GBE1: variants seen among roughly 807,000 people sequenced by gnomAD.
GBE1 encodes 1,4-alpha-glucan branching enzyme 1, also known as 1,4-alpha-glucan-branching enzyme.
GBE1 carries 70 observed loss-of-function variants against 88.8 expected under a neutral mutation model. The observed-to-expected ratio is 0.79, with a 90% CI of 0.65 to 0.96. The LOEUF is 0.96. GBE1 is among the 40% of genes least tolerant of loss of function. The pLI, the probability that GBE1 is intolerant of heterozygous loss-of-function variation, is 0.00. For missense variants in GBE1, 872 were observed against 871.0 expected, an observed-to-expected ratio of 1.00 and a Z score of -0.01; for synonymous variants, 284 against 300.1, an observed-to-expected ratio of 0.95 and a Z score of 0.56.
intron 5 of GBE1, among the ~76,000 whole-genome samples, chr3:81,648,048 C>T (rs1230783757): frequency 1.3e-5 from 2 of 151,942 alleles, no homozygotes; most frequent in African/African-American, 4.8e-5. Flanking sequence ...ATACTCTATA[C>T]ATTTAATTAA....
chr3:81,589,888 C>CA (rs559937983), intron 9 of GBE1, among the ~76,000 whole-genome samples: 1 of 151,866 alleles, frequency 6.6e-6, no homozygotes, highest in Non-Finnish European at 1.5e-5. Flanking sequence ...ATATTCAGCA[C>CA]AAAAAATATT....
intron 1 of GBE1, among the ~76,000 whole-genome samples, chr3:81,725,469 T>C (rs1382036589): frequency 6.6e-6 from 1 of 152,214 alleles, no homozygotes; most frequent in Non-Finnish European, 1.5e-5. Context: ...CAATGCCTTC[T>C]TCTGGAATCC....
intron 1 of GBE1, among the ~76,000 whole-genome samples, chr3:81,750,535 A>ACATG (rs1489156706): frequency 1.3e-5 from 1 of 75,786 alleles, no homozygotes; most frequent in Admixed American, 1.5e-4. Context: ...ATATATATAT[A>ACATG]TACGTATATA....
At chr3:81,700,378 A>G (rs1393653262) in intron 2 of GBE1, among the ~76,000 whole-genome samples, 1 of 152,200 alleles carries the variant, frequency 6.6e-6, no homozygotes, top group African/African-American at 2.4e-5. Flanking sequence ...CTTCTTAAAA[A>G]ACTTTAATTT....
intron 1 of GBE1, among the ~76,000 whole-genome samples, chr3:81,747,976 C>T (rs1398387978): frequency 2.0e-5 from 3 of 152,250 alleles, no homozygotes; most frequent in Non-Finnish European, 2.9e-5. Context: ...TTCACACGGA[C>T]GCGCATGAAA....
intron 13 of GBE1, among the ~76,000 whole-genome samples, chr3:81,535,733 T>C (rs1340291325): frequency 1.3e-5 from 2 of 152,098 alleles, no homozygotes; most frequent in Non-Finnish European, 2.9e-5. Flanking sequence ...CAAAATTTAA[T>C]GTAACATTTT....
intron 3 of GBE1, among the ~76,000 whole-genome samples, chr3:81,655,453 GA>G (rs1334429660): frequency 3.9e-5 from 6 of 152,166 alleles, no homozygotes. Context: ...TATTCCAGAT[GA>G]AAAGCTAACA....
chr3:81,716,495 A>G (rs1400535261), intron 1 of GBE1, among the ~76,000 whole-genome samples: 1 of 152,204 alleles, frequency 6.6e-6, no homozygotes, highest in Non-Finnish European at 1.5e-5. Context: ...TAAATCCTAT[A>G]AAATCAAGAA....
At chr3:81,592,345 C>T (rs1703890602) in intron 8 of GBE1, among the ~76,000 whole-genome samples, 1 of 152,126 alleles carries the variant, frequency 6.6e-6, no homozygotes, top group Non-Finnish European at 1.5e-5. Context: ...ATGTTTGAGT[C>T]ACACTTTGTA....
chr3:81,710,714 G>A (rs1431585576), intron 1 of GBE1, among the ~76,000 whole-genome samples: 3 of 152,116 alleles, frequency 2.0e-5, no homozygotes, highest in African/African-American at 7.2e-5. Context: ...CCACCTTGAA[G>A]TGGCAACACT....
At chr3:81,750,605 A>ATATATG (rs1706500299) in intron 1 of GBE1, among the ~76,000 whole-genome samples, 11 of 35,538 alleles carry the variant, frequency 3.1e-4, no homozygotes, top group African/African-American at 1.5e-3. Flanking sequence ...ATATATGTGT[A>ATATATG]TATATATATA....
In GBE1 at chr3:81,538,170, C is replaced by T. The variant is rs115075924; in HGVS notation, c.1619-1075G>A. ...TTCTAATTAATTTTATAAATTTCTC[C>T]AATGAGTTAGAAAGTATCATAGCCA... is the stretch of plus-strand genomic sequence containing the variant. On this transcript the variant is annotated intron_variant, in intron 12 of 15. Coordinates refer to ENST00000429644, the MANE Select transcript of GBE1 (RefSeq NM_000158.4). Among the ~76,000 whole-genome samples the T allele has an allele frequency of 5.9e-3, 890 of 151,984 alleles. 6 individuals carry two copies. The highest frequency in any genetic ancestry group is 0.017 in the African/African-American group (703 of 41,496).
chr3:81,624,316 T>C (rs1283632364), intron 7 of GBE1, among the ~76,000 whole-genome samples: 2 of 152,176 alleles, frequency 1.3e-5, no homozygotes, highest in East Asian at 1.9e-4. Flanking sequence ...GTGGAGATTA[T>C]GGGGATTATG....
chr3:81,544,405 G>A (rs1185202668), intron 12 of GBE1, among the ~76,000 whole-genome samples: 1 of 152,094 alleles, frequency 6.6e-6, no homozygotes, highest in Non-Finnish European at 1.5e-5. Context: ...GATCAGTAGT[G>A]TAATAGATAG....
Position 81,733,005 on chromosome 3 carries a change from C to A in GBE1, c.144-27392G>T, listed in dbSNP as rs1391641536. ...CTGAATACTCTAGGCCAGGGGTCCC[C>A]ACCGGTCCATGGCCTGTTAGGAATT... On this transcript the variant is annotated intron_variant, in intron 1 of 15. Transcript: ENST00000429644. This position sits in a 1 kb window ranked among gnomAD's most constrained non-coding sequence, Gnocchi z 4.0. 6.6e-6 allele frequency among the ~76,000 whole-genome samples: 1 copy of A among 152,134 alleles called. No individual in the cohort carries two copies. Among genetic ancestry groups the A allele is most frequent in the Non-Finnish European group, 1.5e-5 (1 of 68,014 alleles).
intron 1 of GBE1, among the ~76,000 whole-genome samples, chr3:81,732,873 T>C (rs1035676142): frequency 1.3e-5 from 2 of 152,106 alleles, no homozygotes; most frequent in Admixed American, 1.3e-4. Flanking sequence ...TCTACAAGTA[T>C]TTGTGGTGTC....
chr3:81,580,671 C>G (rs532435216), intron 11 of GBE1, among the ~76,000 whole-genome samples: 2 of 152,170 alleles, frequency 1.3e-5, no homozygotes, highest in East Asian at 3.9e-4. Flanking sequence ...TAGAAAATAA[C>G]TTAGGCTGTA....
At chr3:81,495,089 T>G (rs999585742) in intron 15 of GBE1, among the ~76,000 whole-genome samples, 2 of 152,224 alleles carry the variant, frequency 1.3e-5, no homozygotes, top group South Asian at 2.1e-4. Context: ...TCTGGTAGAA[T>G]GAAAACATCA....
intron 7 of GBE1, among the ~76,000 whole-genome samples, chr3:81,612,020 C>A (rs1174025636): frequency 6.6e-6 from 1 of 151,982 alleles, no homozygotes; most frequent in Admixed American, 6.6e-5. Context: ...AACATTATTA[C>A]TAATCTTACT....
Sources: gnomAD v4.1 joint callset for allele counts (sites outside exome capture counted in the v4.1 genomes callset) on GRCh38, gnomAD v4.1.1 for gene constraint, Gnocchi (gnomAD v3.1) non-coding constraint, MANE v1.5 for transcripts, NCBI Gene and HGNC (gene_info 2026-07-23, HGNC 2026-07-21) for gene names.